Variants in CLVS2 observed in about 807,000 individuals in gnomAD.
The protein encoded by CLVS2 is clavesin-2.
In CLVS2, 19 loss-of-function variants were observed where a neutral mutation model predicts 29.0. The observed-to-expected ratio is 0.66, with a 90% CI of 0.46 to 0.96. CLVS2 has a LOEUF of 0.96. Ranked by LOEUF, CLVS2 falls within the 40% of genes least tolerant of loss-of-function variation. The pLI, the probability that CLVS2 is intolerant of heterozygous loss-of-function variation, is 0.00. For synonymous variants in CLVS2, 161 were observed against 151.3 expected (o/e 1.06, Z -0.47); for missense variants, 294 against 404.1 (o/e 0.73, Z 2.34).
At chr6:123,008,997 GATTATC>G (rs1774711448) in intron 2 of CLVS2, among the ~76,000 whole-genome samples, 1 of 152,000 alleles carries the variant, frequency 6.6e-6, no homozygotes, top group South Asian at 2.1e-4. Flanking sequence ...CTATCCTAAA[GATTATC>G]ATTTCTGATT....
chr6:123,001,647 A>G lies in CLVS2; in HGVS notation c.389+3481A>G, dbSNP rs1774590742. ...ACAAAGATGCCTTCGTCCTCCATGTATTGCATATTGTTTTCCTTCCTAAAT... is the reference window on the plus strand; with the variant it reads ...ACAAAGATGCCTTCGTCCTCCATGTGTTGCATATTGTTTTCCTTCCTAAAT... On this transcript the variant is annotated intron_variant, in intron 2 of 5. Coordinates refer to ENST00000275162, the MANE Select transcript of CLVS2 (RefSeq NM_001010852.4). Among the ~76,000 whole-genome samples, 3 of 152,304 alleles carry G rather than the reference A, an allele frequency of 2.0e-5. No homozygotes were observed. The South Asian group carries it at 6.2e-4, about 32-fold the overall frequency.
At chr6:123,001,755 A>C (rs1774591938) in intron 2 of CLVS2, among the ~76,000 whole-genome samples, 1 of 152,230 alleles carries the variant, frequency 6.6e-6, no homozygotes, top group Non-Finnish European at 1.5e-5. Context: ...AATGTGCCGT[A>C]AAGCTAGCAG....
At chr6:123,002,976 CTT>C (rs1774612740) in intron 2 of CLVS2, among the ~76,000 whole-genome samples, 1 of 152,186 alleles carries the variant, frequency 6.6e-6, no homozygotes, top group African/African-American at 2.4e-5. Flanking sequence ...CAGGGAAACT[CTT>C]TTAACAAATC....
intron 2 of CLVS2, among the ~76,000 whole-genome samples, chr6:123,001,818 TA>T (rs1176575018): frequency 6.6e-6 from 1 of 152,196 alleles, no homozygotes; most frequent in East Asian, 1.9e-4. Context: ...CATGGCATTC[TA>T]GGTCCTAGAG....
intron 2 of CLVS2, among the ~76,000 whole-genome samples, chr6:123,008,182 A>C (rs1050780741): frequency 6.6e-6 from 1 of 152,040 alleles, no homozygotes; most frequent in Non-Finnish European, 1.5e-5. Context: ...GTGTATTTTT[A>C]TGTTTCTTTT....
intron 2 of CLVS2, among the ~76,000 whole-genome samples, chr6:122,998,815 G>C (rs146513254): frequency 2.6e-5 from 4 of 152,126 alleles, no homozygotes. Flanking sequence ...TCCTACACCT[G>C]CCACTAATCT....
intron 5 of CLVS2, among the ~76,000 whole-genome samples, chr6:123,058,661 GT>G (rs1772729593): frequency 6.6e-6 from 1 of 151,646 alleles, no homozygotes. Context: ...TTTTATTTTT[GT>G]TTTTTTGAGG....
chr6:123,008,368 G>A (rs1430699442), intron 2 of CLVS2, among the ~76,000 whole-genome samples: 1 of 152,034 alleles, frequency 6.6e-6, no homozygotes, highest in Non-Finnish European at 1.5e-5. Flanking sequence ...ATAATGATAT[G>A]TGTATCAACG....
rs559340294 is a variant in CLVS2, at chr6:123,065,022, C to T, written c.*1261C>T. ...TTTTCAAATTTAAGTTAATTATCTT[C>T]GTGATCCTATTTATCCACAATTTCT... is the stretch of plus-strand genomic sequence containing the variant. On this transcript the variant is annotated 3_prime_UTR_variant, in exon 6 of 6. Coordinates refer to ENST00000275162, the MANE Select transcript of CLVS2 (RefSeq NM_001010852.4). The T allele has an allele frequency of 5.3e-5, 8 of 151,812 alleles. No homozygotes were observed. The highest frequency in any genetic ancestry group is 1.2e-4 in the African/African-American group (5 of 41,476). The allele number at this position is 151,812 out of a possible 1,614,324, so 9.4% of individuals were successfully genotyped here.
chr6:122,998,277 G>T lies in CLVS2; in HGVS notation c.389+111G>T, dbSNP rs180961632. 3.6e-5 allele frequency: 47 copies of T among 1,303,244 alleles called. No individual in the cohort carries two copies. In the African/African-American group the frequency reaches 6.0e-4, roughly 17 times the overall value. 80.7% of individuals were successfully genotyped at this position (1,303,244 alleles called of 1,614,324 possible). ...TTGATATTTTTGTTTATTTGGCTTG[G>T]AGAAAAGAGAAACAAACCAGGAGAT... is the stretch of plus-strand genomic sequence containing the variant. On this transcript the variant is annotated intron_variant, in intron 2 of 5. Transcript: ENST00000275162.
At chr6:123,007,161 T>C (rs1335573260) in intron 2 of CLVS2, among the ~76,000 whole-genome samples, 17 of 152,230 alleles carry the variant, frequency 1.1e-4, no homozygotes, top group Middle Eastern at 3.2e-3. Context: ...AAAGCAAGTA[T>C]AGAATATGTG....
Position 123,064,792 on chromosome 6 carries a change from ACT to A in CLVS2, c.*1034_*1035del, listed in dbSNP as rs2114373833. ...ATCTTATGGATAATTACATGAGATA[ACT>A]CTGGAAAACTACTTCCACTGAAGTT... is the stretch of plus-strand genomic sequence containing the variant. On this transcript the variant is annotated 3_prime_UTR_variant, in exon 6 of 6. Coordinates refer to ENST00000275162, the MANE Select transcript of CLVS2 (RefSeq NM_001010852.4). 6.6e-6 allele frequency: 1 copy of A among 152,036 alleles called. No individual in the cohort carries two copies. The highest frequency in any genetic ancestry group is 2.4e-5 in the African/African-American group (1 of 41,538). 9.4% of individuals were successfully genotyped at this position (152,036 alleles called of 1,614,324 possible).
chr6:123,054,477 T>G (rs1461716947), intron 4 of CLVS2, among the ~76,000 whole-genome samples: 1 of 152,220 alleles, frequency 6.6e-6, no homozygotes, highest in African/African-American at 2.4e-5. Flanking sequence ...GCTTTTACTC[T>G]TCTATAATTT....
intron 2 of CLVS2, among the ~76,000 whole-genome samples, chr6:122,999,755 T>G (rs2114293371): frequency 6.6e-6 from 1 of 152,312 alleles, no homozygotes; most frequent in Non-Finnish European, 1.5e-5. Flanking sequence ...CTGGAAATTT[T>G]ATATTTATAT....
At chr6:123,054,001 G>A (rs1294946052) in intron 4 of CLVS2, among the ~76,000 whole-genome samples, 2 of 152,092 alleles carry the variant, frequency 1.3e-5, no homozygotes. Context: ...TATTTTCTTA[G>A]TGAAAGTGGA....
intron 2 of CLVS2, among the ~76,000 whole-genome samples, chr6:123,004,065 A>T: frequency 6.6e-6 from 1 of 152,348 alleles, no homozygotes; most frequent in East Asian, 1.9e-4. Flanking sequence ...TGGTTTAGAA[A>T]ATCTCGATTA....
At chr6:123,035,822 C>T (rs1775145802) in intron 3 of CLVS2, among the ~76,000 whole-genome samples, 1 of 152,154 alleles carries the variant, frequency 6.6e-6, no homozygotes, top group South Asian at 2.1e-4. Context: ...CACACAAACA[C>T]ACCCCCATAT....
chr6:123,013,536 G>A (rs970643658), intron 3 of CLVS2, among the ~76,000 whole-genome samples: 10 of 151,886 alleles, frequency 6.6e-5, no homozygotes, highest in South Asian at 4.1e-4. Flanking sequence ...GGAAACTTAC[G>A]TGCATTATGA....
At chr6:123,058,296 C>T (rs568710199) in intron 5 of CLVS2, among the ~76,000 whole-genome samples, 3 of 152,090 alleles carry the variant, frequency 2.0e-5, no homozygotes, top group African/African-American at 7.2e-5. Context: ...GCCTGCCTAC[C>T]CTTCGTGGCA....
Sources: gnomAD v4.1 joint callset for allele counts (sites outside exome capture counted in the v4.1 genomes callset) on GRCh38, gnomAD v4.1.1 for gene constraint, MANE v1.5 for transcripts, NCBI Gene and HGNC (gene_info 2026-07-23, HGNC 2026-07-21) for gene names.